Variants in CREBBP observed in about 807,000 individuals in gnomAD.
The protein encoded by CREBBP is CREB binding lysine acetyltransferase.
CREBBP carries 19 observed loss-of-function variants against 265.0 expected under a neutral mutation model. The observed-to-expected ratio is 0.07, with a 90% CI of 0.05 to 0.11. The LOEUF (loss-of-function observed/expected upper bound fraction) is 0.11, where lower values mean the gene tolerates loss of function less well. CREBBP is among the 10% of genes least tolerant of loss of function. The probability of loss-of-function intolerance (pLI) is 1.00; values close to 1 mark genes in which losing one functional copy is unlikely to be tolerated. For missense variants in CREBBP, 2,525 were observed against 3,219.0 expected, an observed-to-expected ratio of 0.78 and a Z score of 5.22; for synonymous variants, 1,457 against 1,223.7, an observed-to-expected ratio of 1.19 and a Z score of -3.98.
At chr16:3,842,262 G>A (rs998699940) in intron 2 of CREBBP, among the ~76,000 whole-genome samples, 15 of 152,042 alleles carry the variant, frequency 9.9e-5, no homozygotes, top group South Asian at 4.1e-4. Flanking sequence ...GAATGCCTCC[G>A]GACCCCTTGA....
At chr16:3,785,995 T>C (rs919404183) in intron 5 of CREBBP, among the ~76,000 whole-genome samples, 5 of 152,214 alleles carry the variant, frequency 3.3e-5, no homozygotes, top group Admixed American at 2.0e-4. Context: ...AAAGGCCAAG[T>C]TTTATAGCAG....
At chr16:3,740,596 T>C (rs755523763) in intron 23 of CREBBP, 47 bp from the exon 24 acceptor site, 44 of 1,610,126 alleles carry the variant, frequency 2.7e-5, no homozygotes, top group Non-Finnish European at 3.3e-5. Flanking sequence ...ACAGCACTGC[T>C]GAGACAGTGA....
At chr16:3,814,958 G>A (rs2054010656) in intron 2 of CREBBP, among the ~76,000 whole-genome samples, 1 of 152,196 alleles carries the variant, frequency 6.6e-6, no homozygotes, top group Admixed American at 6.5e-5. Flanking sequence ...ACTGCTCATT[G>A]CCCAGGCAAG....
At chr16:3,801,257 G>A (rs1005950734) in intron 3 of CREBBP, among the ~76,000 whole-genome samples, 1 of 152,236 alleles carries the variant, frequency 6.6e-6, no homozygotes, top group East Asian at 1.9e-4. Context: ...AGGAAAACTG[G>A]TGAACAACAG....
At chr16:3,877,905 T>A (rs2141608003) in intron 1 of CREBBP, among the ~76,000 whole-genome samples, 1 of 152,286 alleles carries the variant, frequency 6.6e-6, no homozygotes, top group Middle Eastern at 3.4e-3. Context: ...CTTACAAGGA[T>A]CAAAATTGTA....
intron 3 of CREBBP, among the ~76,000 whole-genome samples, chr16:3,809,503 A>C (rs553015698): frequency 1.3e-5 from 2 of 152,280 alleles, no homozygotes; most frequent in South Asian, 4.1e-4. Context: ...TGGAGGTACC[A>C]TACAGCAGGG....
chr16:3,738,165 C>T (rs1393934748), intron 26 of CREBBP, among the ~76,000 whole-genome samples: 2 of 152,072 alleles, frequency 1.3e-5, no homozygotes, highest in Non-Finnish European at 2.9e-5. Context: ...AGGTGATCCA[C>T]CGCAGCAGGA....
At chr16:3,781,451 G>T in intron 6 of CREBBP, 145 bp from the exon 7 acceptor site, 1 of 668,852 alleles carries the variant, frequency 1.5e-6, no homozygotes, top group Non-Finnish European at 2.7e-6. Context: ...TAAGCACTGC[G>T]GCAGGAACTC....
chr16:3,763,066 G>A (rs963983368), intron 16 of CREBBP, among the ~76,000 whole-genome samples: 2 of 149,336 alleles, frequency 1.3e-5, no homozygotes, highest in Non-Finnish European at 3.0e-5. Flanking sequence ...GAGCCACCAC[G>A]CCCGGCCACC....
At position 3,745,262 on chromosome 16, in the gene CREBBP, G is replaced by A. The variant is rs746724218; in HGVS notation, c.3914+15C>T. Reference sequence around the variant, plus strand: ...CTGTGCAGAACTGCCCTCCAGGCCAGGGGAAACAACTCACCCTGAAGGCCA... The same window carrying A: ...CTGTGCAGAACTGCCCTCCAGGCCAAGGGAAACAACTCACCCTGAAGGCCA... On this transcript the variant is annotated intron_variant, in intron 22 of 30. Coordinates refer to ENST00000262367, the MANE Select transcript of CREBBP (RefSeq NM_004380.3). The A allele has an allele frequency of 6.2e-6, 10 of 1,611,664 alleles. No homozygotes were observed. The highest frequency in any genetic ancestry group is 7.6e-6 in the Non-Finnish European group (9 of 1,178,674).
chr16:3,850,853 C>A lies in CREBBP; in HGVS notation c.242G>T (p.Ser81Ile). 1 of 1,614,188 alleles carries A rather than the reference C, an allele frequency of 6.2e-7. No individual in the cohort carries two copies. Among genetic ancestry groups the A allele is most frequent in the Admixed American group, 1.7e-5 (1 of 60,016 alleles). ...SELLRGGSGSSINPGIGNVSA... is the reference protein window; with the variant it reads ...SELLRGGSGSIINPGIGNVSA... ...CACATTTCCTATTCCTGGGTTGATA[C>A]TAGAGCCGCTGCCTCCTCGTAGAAG... The change falls in exon 2 of 31, where the codon AGT becomes ATT. Residue 81 changes from serine (S) to isoleucine (I), a missense_variant. This residue lies in a region of CREBBP where 356 missense variants were observed against 340.4 expected (regional missense o/e 1.05). Coordinates refer to ENST00000262367, the MANE Select transcript of CREBBP (RefSeq NM_004380.3).
intron 27 of CREBBP, 192 bp downstream of exon 27, chr16:3,736,457 TC>T: frequency 1.2e-6 from 1 of 865,128 alleles, no homozygotes; most frequent in Non-Finnish European, 1.8e-6. Context: ...TGTGCTGCTC[TC>T]AGACGGCCAG....
chr16:3,739,947 A>C (rs144727424), intron 24 of CREBBP, among the ~76,000 whole-genome samples: 26 of 152,320 alleles, frequency 1.7e-4, no homozygotes, highest in African/African-American at 6.3e-4. Flanking sequence ...ACCTCTGTGA[A>C]TGAAATACGG....
intron 3 of CREBBP, among the ~76,000 whole-genome samples, chr16:3,801,633 G>A (rs557015006): frequency 1.3e-5 from 2 of 152,224 alleles, no homozygotes; most frequent in East Asian, 1.9e-4. Flanking sequence ...TTGCGCCACT[G>A]CACTCCAGCT....
rs148660306 is a variant in CREBBP, at chr16:3,785,884, A to G, written c.1331-2958T>C. On this transcript the variant is annotated intron_variant, in intron 5 of 30. Transcript: ENST00000262367. ...GGTTCTTCTGGGCCCATCAGGCAAC[A>G]CTCCTGTCCCGGATATTTACCTCTT... Among the ~76,000 whole-genome samples the G allele has an allele frequency of 3.1e-3, 475 of 152,094 alleles. 3 individuals carry two copies. The highest frequency in any genetic ancestry group is 0.011 in the African/African-American group (454 of 41,468).
In CREBBP at chr16:3,843,866, C is replaced by T. The variant is rs541381832; in HGVS notation, c.798+6431G>A. ...TCACAGAATAAATATGAAAGACTTT[C>T]GGCCGGGCGCGGTGGCTCACGCCTG... On this transcript the variant is annotated intron_variant, in intron 2 of 30. Transcript: ENST00000262367. 1.5e-4 allele frequency among the ~76,000 whole-genome samples: 23 copies of T among 151,936 alleles called. No homozygotes were observed. In the East Asian group the frequency reaches 3.1e-3, roughly 20 times the overall value.
At chr16:3,839,999 C>T (rs2054536077) in intron 2 of CREBBP, among the ~76,000 whole-genome samples, 1 of 152,116 alleles carries the variant, frequency 6.6e-6, no homozygotes, top group African/African-American at 2.4e-5. Flanking sequence ...ATCCCTGAGC[C>T]AGTCCTAGGC....
chr16:3,860,198 T>C (rs1027540799), intron 1 of CREBBP, among the ~76,000 whole-genome samples: 1 of 152,130 alleles, frequency 6.6e-6, no homozygotes, highest in Non-Finnish European at 1.5e-5. Context: ...AGTATAGGAA[T>C]AAAGGAGTAT....
intron 2 of CREBBP, among the ~76,000 whole-genome samples, chr16:3,815,544 A>T (rs978298705): frequency 3.0e-4 from 45 of 151,340 alleles, no homozygotes; most frequent in Admixed American, 6.6e-5. Flanking sequence ...AAAAAAAAAA[A>T]AAAAAATTTT....
Sources: allele counts gnomAD v4.1 joint callset (sites outside exome capture counted in the v4.1 genomes callset), GRCh38; gene constraint gnomAD v4.1.1; regional missense constraint gnomAD v4.1.1; transcripts MANE v1.5; gene names NCBI Gene and HGNC (gene_info 2026-07-23, HGNC 2026-07-21).